PTPN11: variants seen among roughly 807,000 people sequenced by gnomAD.
PTPN11 encodes protein tyrosine phosphatase non-receptor type 11, also known as tyrosine-protein phosphatase non-receptor type 11.
PTPN11 carries 6 observed loss-of-function variants against 78.8 expected under a neutral mutation model. The ratio of observed to expected loss-of-function variants is 0.08; its 90% CI spans 0.04 to 0.15. PTPN11 has a LOEUF of 0.15. Ranked by LOEUF, PTPN11 falls within the 10% of genes least tolerant of loss-of-function variation. The pLI, the probability that PTPN11 is intolerant of heterozygous loss-of-function variation, is 1.00. For missense variants in PTPN11, 386 were observed against 744.8 expected (o/e 0.52, Z 5.61); for synonymous variants, 221 against 263.5 (o/e 0.84, Z 1.56).
At chr12:112,434,813 G>A (rs1018388068) in intron 1 of PTPN11, among the ~76,000 whole-genome samples, 1 of 151,992 alleles carries the variant, frequency 6.6e-6, no homozygotes, top group African/African-American at 2.4e-5. Context: ...TTGAGACAGA[G>A]TCTTACTCTG....
intron 4 of PTPN11, 68 bp from the exon 5 acceptor site, chr12:112,454,496 G>C: frequency 8.9e-7 from 1 of 1,118,374 alleles, no homozygotes; most frequent in Non-Finnish European, 1.4e-6. Context: ...GTGAACATGA[G>C]AGTGCTTGAA....
intron 1 of PTPN11, among the ~76,000 whole-genome samples, chr12:112,434,514 A>G (rs1258456744): frequency 6.6e-6 from 1 of 151,858 alleles, no homozygotes; most frequent in African/African-American, 2.4e-5. Flanking sequence ...AGGCTGAGGC[A>G]GGAGAATCAC....
intron 1 of PTPN11, among the ~76,000 whole-genome samples, chr12:112,432,224 GAT>G (rs1479810712): frequency 1.3e-5 from 2 of 152,124 alleles, no homozygotes; most frequent in Non-Finnish European, 1.5e-5. Context: ...GAAAACAGGG[GAT>G]TTCACACTCT....
In PTPN11 at chr12:112,482,792, G is replaced by C. The variant is rs1490668233; in HGVS notation, c.1224+587G>C. On this transcript the variant is annotated intron_variant, in intron 10 of 15. Transcript: ENST00000351677. This position sits in a 1 kb window ranked among gnomAD's most constrained non-coding sequence, Gnocchi z 4.4. ...GGGGATTGTTTGGCTTTTGGAGGAG[G>C]AAGGAGGGATTCAAGACACATTGTA... 6.6e-6 allele frequency among the ~76,000 whole-genome samples: 1 copy of C among 152,208 alleles called. No homozygotes were observed. Among genetic ancestry groups the C allele is most frequent in the African/African-American group, 2.4e-5 (1 of 41,444 alleles).
chr12:112,471,035 AT>A (rs2038406821), intron 6 of PTPN11, among the ~76,000 whole-genome samples: 1 of 152,144 alleles, frequency 6.6e-6, no homozygotes, highest in Non-Finnish European at 1.5e-5. Context: ...TTCTACCTAC[AT>A]TGTTTTTATT....
intron 1 of PTPN11, among the ~76,000 whole-genome samples, chr12:112,439,798 A>C (rs1410414160): frequency 6.7e-6 from 1 of 148,882 alleles, no homozygotes; most frequent in African/African-American, 2.5e-5. Context: ...AAAAAAAACA[A>C]AAACAAAAAA....
intron 1 of PTPN11, among the ~76,000 whole-genome samples, chr12:112,444,525 G>C (rs745861972): frequency 1.3e-5 from 2 of 152,026 alleles, no homozygotes; most frequent in Non-Finnish European, 2.9e-5. Context: ...ATTTTTAGTA[G>C]AGATGGGTTT....
At chr12:112,477,501 G>A in intron 7 of PTPN11, 150 bp from the exon 8 acceptor site, 1 of 666,042 alleles carries the variant, frequency 1.5e-6, no homozygotes, top group Non-Finnish European at 2.6e-6. Context: ...TCACGTTACT[G>A]TTTTGCTTAC....
intron 12 of PTPN11, 105 bp from the exon 13 acceptor site, chr12:112,488,919 A>G: frequency 6.8e-7 from 1 of 1,471,330 alleles, no homozygotes; most frequent in African/African-American, 1.4e-5. Context: ...TAAAACAGCA[A>G]AGACTAAATT....
chr12:112,505,656 C>CAAAAAAAAA (rs1191524369), intron 15 of PTPN11, among the ~76,000 whole-genome samples, 169 bp from the exon 16 acceptor site: 1 of 36,732 alleles, frequency 2.7e-5, no homozygotes, highest in Non-Finnish European at 6.4e-5. Flanking sequence ...AACTCCATCT[C>CAAAAAAAAA]AAAAAAAAAA....
intron 7 of PTPN11, among the ~76,000 whole-genome samples, chr12:112,474,214 G>C (rs993685874): frequency 6.6e-6 from 1 of 152,134 alleles, no homozygotes; most frequent in Non-Finnish European, 1.5e-5. Flanking sequence ...GCTGGGCGTG[G>C]TGGTGGATGC....
chr12:112,486,746 T>G, intron 11 of PTPN11, 117 bp downstream of exon 11: 1 of 1,532,978 alleles, frequency 6.5e-7, no homozygotes, highest in Non-Finnish European at 8.8e-7. Flanking sequence ...TAATATCTGT[T>G]TGAGGCATAG....
At chr12:112,500,979 A>G (rs1389660314) in intron 13 of PTPN11, among the ~76,000 whole-genome samples, 1 of 152,070 alleles carries the variant, frequency 6.6e-6, no homozygotes, top group South Asian at 2.1e-4. Flanking sequence ...ATCATAGCTT[A>G]CTGCAGCCTT....
intron 15 of PTPN11, among the ~76,000 whole-genome samples, chr12:112,505,504 G>A (rs773891629): frequency 4.0e-5 from 6 of 151,628 alleles, no homozygotes; most frequent in Non-Finnish European, 7.4e-5. Context: ...AGACCAACCC[G>A]TCTCTACTAA....
chr12:112,505,327 C>T (rs371041117), intron 15 of PTPN11, among the ~76,000 whole-genome samples: 24 of 152,250 alleles, frequency 1.6e-4, no homozygotes, highest in South Asian at 2.1e-4. Flanking sequence ...CCATCAATTA[C>T]GTTTTTTAAG....
intron 12 of PTPN11, 70 bp downstream of exon 12, chr12:112,488,580 A>G (rs1424309086): frequency 3.4e-6 from 5 of 1,462,760 alleles, no homozygotes; most frequent in African/African-American, 1.4e-5. Context: ...GCTCACGAAA[A>G]CAGTCTGGGG....
chr12:112,449,682 A>G (rs2038050769), intron 2 of PTPN11, among the ~76,000 whole-genome samples: 1 of 152,216 alleles, frequency 6.6e-6, no homozygotes, highest in African/African-American at 2.4e-5. Context: ...TAAAGTGGCA[A>G]TGAATATTTT....
intron 1 of PTPN11, among the ~76,000 whole-genome samples, chr12:112,424,155 A>T (rs1030033850): frequency 1.8e-4 from 28 of 152,202 alleles, no homozygotes; most frequent in Non-Finnish European, 2.9e-4. Context: ...TTATGGTGGG[A>T]TAACTCTGTG....
intron 10 of PTPN11, among the ~76,000 whole-genome samples, chr12:112,483,984 T>A (rs1459864938): frequency 6.6e-6 from 1 of 151,646 alleles, no homozygotes; most frequent in Non-Finnish European, 1.5e-5. Context: ...GGAGGTGGGA[T>A]GCGGAGGGGA....
Sources: gnomAD v4.1 joint callset for allele counts (sites outside exome capture counted in the v4.1 genomes callset) on GRCh38, gnomAD v4.1.1 for gene constraint, Gnocchi (gnomAD v3.1) non-coding constraint, MANE v1.5 for transcripts, NCBI Gene and HGNC (gene_info 2026-07-23, HGNC 2026-07-21) for gene names.